WWTR1: variants seen among roughly 807,000 people sequenced by gnomAD.
WWTR1 encodes the protein WW domain-containing transcription regulator protein 1.
WWTR1 carries 13 observed loss-of-function variants against 40.1 expected under a neutral mutation model. The ratio of observed to expected loss-of-function variants is 0.32; its 90% CI spans 0.21 to 0.52. The LOEUF (loss-of-function observed/expected upper bound fraction) is 0.52. WWTR1 is among the 20% of genes least tolerant of loss of function. The probability of loss-of-function intolerance (pLI) is 0.97; values close to 1 mark genes in which losing one functional copy is unlikely to be tolerated. For synonymous variants in WWTR1, 230 were observed against 210.1 expected, an observed-to-expected ratio of 1.09 and a Z score of -0.82; for missense variants, 436 against 523.1, an observed-to-expected ratio of 0.83 and a Z score of 1.63.
intron 2 of WWTR1, among the ~76,000 whole-genome samples, chr3:149,581,975 C>A (rs1738169853): frequency 6.6e-6 from 1 of 152,162 alleles, no homozygotes; most frequent in Admixed American, 6.5e-5. Flanking sequence ...CTGTAATACC[C>A]GTGGTTCCTG....
chr3:149,652,384 G>A (rs1306329701), intron 2 of WWTR1, among the ~76,000 whole-genome samples: 1 of 151,688 alleles, frequency 6.6e-6, no homozygotes, highest in Non-Finnish European at 1.5e-5. Context: ...AGTGCTTTAG[G>A]AAGCCGGTGG....
intron 1 of WWTR1, among the ~76,000 whole-genome samples, chr3:149,685,456 G>A (rs1448636044): frequency 6.6e-6 from 1 of 152,180 alleles, no homozygotes; most frequent in African/African-American, 2.4e-5. Context: ...TCTGGCTGAG[G>A]CCCAGTGAAA....
At chr3:149,699,527 A>T (rs1715103065) in intron 1 of WWTR1, among the ~76,000 whole-genome samples, 1 of 152,128 alleles carries the variant, frequency 6.6e-6, no homozygotes, top group Non-Finnish European at 1.5e-5. Context: ...TCCCAACCTC[A>T]GGTTATCTGC....
At chr3:149,692,740 T>C (rs1360375193) in intron 1 of WWTR1, among the ~76,000 whole-genome samples, 1 of 152,136 alleles carries the variant, frequency 6.6e-6, no homozygotes. Context: ...TTCAAGCGAT[T>C]TTCCTGCCTC....
upstream of WWTR1, among the ~76,000 whole-genome samples, chr3:149,706,331 T>G (rs1300333943): frequency 1.3e-5 from 2 of 152,208 alleles, no homozygotes; most frequent in East Asian, 3.8e-4. Flanking sequence ...CTTCTTTTAT[T>G]TTTTGAGACA....
chr3:149,539,549 A>G (rs1735990752), intron 4 of WWTR1, among the ~76,000 whole-genome samples: 1 of 152,150 alleles, frequency 6.6e-6, no homozygotes, highest in South Asian at 2.1e-4. Context: ...CTGTCCACTG[A>G]GCAAGGGATA....
At chr3:149,567,395 T>G (rs1485568480) in intron 3 of WWTR1, among the ~76,000 whole-genome samples, 3 of 152,202 alleles carry the variant, frequency 2.0e-5, no homozygotes, top group Non-Finnish European at 4.4e-5. Flanking sequence ...ACTCCCTCTG[T>G]GAATGACCTG....
chr3:149,693,399 C>T (rs928622187), intron 1 of WWTR1, among the ~76,000 whole-genome samples: 4 of 152,028 alleles, frequency 2.6e-5, no homozygotes, highest in Non-Finnish European at 5.9e-5. Flanking sequence ...AATATGCCTA[C>T]ACTACGCAAA....
At chr3:149,611,515 T>A (rs1739740259) in intron 2 of WWTR1, among the ~76,000 whole-genome samples, 1 of 152,188 alleles carries the variant, frequency 6.6e-6, no homozygotes, top group Admixed American at 6.5e-5. Flanking sequence ...GAGGGATCAA[T>A]CCAACTGGAG....
At position 149,527,743 on chromosome 3, in the gene WWTR1, C is replaced by T; in HGVS notation, c.905+93G>A. 7 of 1,571,752 alleles carry T rather than the reference C, an allele frequency of 4.5e-6. No individual in the cohort carries two copies. The South Asian group carries it at 7.9e-5, about 18-fold the overall frequency. ...ATTCTCACCCTCAACCCTCAAGCTC[C>T]CCACCTCTTCCCAATGTAAACAAAG... On this transcript the variant is annotated intron_variant, in intron 5 of 6. Coordinates refer to ENST00000360632, the MANE Select transcript of WWTR1 (RefSeq NM_015472.6).
intron 2 of WWTR1, among the ~76,000 whole-genome samples, chr3:149,625,911 C>A (rs969379414): frequency 3.2e-4 from 49 of 152,310 alleles, no homozygotes; most frequent in African/African-American, 1.2e-3. Flanking sequence ...TCCTTAATCA[C>A]CTCCATGCAG....
Position 149,572,920 on chromosome 3 carries a change from G to T in WWTR1, c.512C>A (p.Ala171Asp). 6.2e-7 allele frequency: 1 copy of T among 1,613,948 alleles called. No homozygotes were observed. The highest frequency in any genetic ancestry group is 1.1e-5 in the South Asian group (1 of 91,026). ...CTGAGGCACTGGTGTGGAACTGACG[G>T]CAGGGTGGAGGTTCATATGATTCAG... is the stretch of plus-strand genomic sequence containing the variant. ...QPLNHMNLHPAVSSTPVPQRS... is the reference protein window; with the variant it reads ...QPLNHMNLHPDVSSTPVPQRS... Residue 171 changes from alanine (A) to aspartate (D), a missense_variant, in exon 3 of 7, where the codon GCC becomes GAC. Transcript: ENST00000360632.
intron 1 of WWTR1, among the ~76,000 whole-genome samples, chr3:149,680,042 T>A (rs761172726): frequency 6.6e-6 from 1 of 152,206 alleles, no homozygotes; most frequent in Non-Finnish European, 1.5e-5. Flanking sequence ...TTTCCTCAGC[T>A]ATTCAATAAG....
intron 2 of WWTR1, among the ~76,000 whole-genome samples, chr3:149,583,789 G>A (rs1738275941): frequency 1.3e-5 from 2 of 152,314 alleles, no homozygotes; most frequent in Admixed American, 1.3e-4. Context: ...AGGCCCTCAA[G>A]GAGCTGGCAG....
At chr3:149,527,815 G>A in intron 5 of WWTR1, 21 bp downstream of exon 5, 1 of 1,613,354 alleles carries the variant, frequency 6.2e-7, no homozygotes, top group Non-Finnish European at 8.5e-7. Context: ...AAAAATAAGT[G>A]GCCCCCAAAT....
intron 3 of WWTR1, among the ~76,000 whole-genome samples, chr3:149,572,190 C>T (rs1456460161): frequency 1.3e-5 from 2 of 152,064 alleles, no homozygotes; most frequent in African/African-American, 4.8e-5. Flanking sequence ...CATGTATAAA[C>T]TGGAGAGCCT....
chr3:149,561,959 G>C (rs758548921), intron 3 of WWTR1, among the ~76,000 whole-genome samples: 3 of 152,036 alleles, frequency 2.0e-5, no homozygotes, highest in Non-Finnish European at 4.4e-5. Context: ...ATATGCGTGT[G>C]TTACTTTTCT....
intron 2 of WWTR1, among the ~76,000 whole-genome samples, chr3:149,667,596 G>C (rs956707854): frequency 6.6e-6 from 1 of 151,742 alleles, no homozygotes; most frequent in Non-Finnish European, 1.5e-5. Flanking sequence ...TGATGTCTAG[G>C]CAACCCAGCA....
intron 3 of WWTR1, among the ~76,000 whole-genome samples, chr3:149,557,645 C>CT (rs907860740): frequency 6.6e-6 from 1 of 152,034 alleles, no homozygotes; most frequent in Non-Finnish European, 1.5e-5. Context: ...TTTTCCCTGG[C>CT]TTTTTTTCTC....
Sources: allele counts gnomAD v4.1 joint callset (sites outside exome capture counted in the v4.1 genomes callset), GRCh38; gene constraint gnomAD v4.1.1; transcripts MANE v1.5; gene names NCBI Gene and HGNC (gene_info 2026-07-23, HGNC 2026-07-21).